DNAH2: variants seen among roughly 807,000 people sequenced by gnomAD.
DNAH2 encodes axonemal beta dynein heavy chain 2.
A neutral mutation model predicts 523.5 loss-of-function variants in DNAH2; 323 were observed. The ratio of observed to expected loss-of-function variants is 0.62; its 90% CI spans 0.56 to 0.68. The LOEUF (loss-of-function observed/expected upper bound fraction) is 0.68, where lower values mean the gene tolerates loss of function less well. DNAH2 is among the 30% of genes least tolerant of loss of function. DNAH2 has a pLI of 0.00. For synonymous variants in DNAH2, 2,093 were observed against 2,177.4 expected (o/e 0.96, Z 1.08); for missense variants, 4,907 against 5,701.5 (o/e 0.86, Z 4.49).
At position 7,832,667 on chromosome 17, in the gene DNAH2, G is replaced by T; in HGVS notation, c.12815G>T (p.Arg4272Leu). The change falls in exon 83 of 86, where the codon CGG becomes CTG. Residue 4272 changes from arginine to leucine, a missense_variant. Physicochemically the swap from Arg to Leu is moderately radical, Grantham distance 102 (BLOSUM62 -2). Coordinates refer to ENST00000572933, the MANE Select transcript of DNAH2 (RefSeq NM_020877.5). This position sits in a 1 kb window ranked among gnomAD's most constrained non-coding sequence, Gnocchi z 4.3. ...TTTGAGCTGTGGGCCAGCCGGGCCC[G>T]GCCTCCTGTGATCTTCTGGTTGTCT... The part of the protein sequence containing the change: ...EQFELWASRA[R>L]PPVIFWLSGF... The T allele has an allele frequency of 6.2e-7, 1 of 1,614,134 alleles. No homozygotes were observed. Among genetic ancestry groups the T allele is most frequent in the Non-Finnish European group, 8.5e-7 (1 of 1,180,044 alleles).
rs188435233 is a variant in DNAH2, at chr17:7,758,541, C to T, written c.2098C>T (p.Arg700Cys). 16 of 1,613,982 alleles carry T rather than the reference C, an allele frequency of 9.9e-6. No homozygotes were observed. The highest frequency in any genetic ancestry group is 4.5e-5 in the East Asian group (2 of 44,882). The change falls in exon 14 of 86, where the codon CGT (arginine) becomes TGT (cysteine). Residue 700 changes from arginine to cysteine, a missense_variant. Transcript: ENST00000572933. The part of the protein sequence containing the change: ...SPDEQALFKE[R>C]IRLLDKKIHP... ...AGATGAGCAGGCCCTATTCAAAGAG[C>T]GTATTCGGCTCCTGGATAAGAAGAT...
intron 7 of DNAH2, among the ~76,000 whole-genome samples, chr17:7,735,750 T>A (rs971767315): frequency 6.6e-6 from 1 of 150,754 alleles, no homozygotes; most frequent in African/African-American, 2.4e-5. Context: ...AATTGTTAAT[T>A]TTTTTTATTA....
At position 7,734,290 on chromosome 17, in the gene DNAH2, G is replaced by C. The variant is rs751802618; in HGVS notation, c.736G>C (p.Glu246Gln). ...GGACAAAGAGCTGGTGCAACGGCTA[G>C]AGAGTGAGTGGCTGGCACTGCTAGC... The part of the protein sequence containing the change: ...IKDKELVQRL[E>Q]TSMIHWTRQI... The change falls in exon 6 of 86, where the codon GAG becomes CAG. Residue 246 changes from glutamate (E) to glutamine (Q), a missense_variant. This residue lies in a region of DNAH2 where 2,806 missense variants were observed against 3,190.8 expected (regional missense o/e 0.88). Transcript: ENST00000572933. 3.1e-6 allele frequency: 5 copies of C among 1,607,344 alleles called. No homozygotes were observed. Among genetic ancestry groups the C allele is most frequent in the South Asian group, 1.1e-5 (1 of 89,900 alleles).
At position 7,817,282 on chromosome 17, in the gene DNAH2, T is replaced by TC. The variant is rs752997446; in HGVS notation, c.9895-6dup. The TC allele has an allele frequency of 1.9e-6, 3 of 1,586,710 alleles. No individual in the cohort carries two copies. In the South Asian group the frequency reaches 3.5e-5, roughly 18 times the overall value. On this transcript the variant is annotated splice_polypyrimidine_tract_variant and splice_region_variant and intron_variant, in intron 64 of 85. Coordinates refer to ENST00000572933, the MANE Select transcript of DNAH2 (RefSeq NM_020877.5). ...CCAGGCAGGCTTACCCTCCCTCCTG[T>TC]CCGCCAGGGCCTGGAGGAGGACCTG...
At chr17:7,791,885 T>G (rs1344538111) in intron 44 of DNAH2, 32 bp from the exon 45 acceptor site, 1 of 1,600,556 alleles carries the variant, frequency 6.2e-7, no homozygotes, top group South Asian at 1.1e-5. Context: ...CTCTTACAGG[T>G]GGGTTATTTC....
chr17:7,728,740 T>A (rs2074899370), intron 4 of DNAH2, among the ~76,000 whole-genome samples: 1 of 152,212 alleles, frequency 6.6e-6, no homozygotes, highest in Non-Finnish European at 1.5e-5. Flanking sequence ...ATCCTAGCAC[T>A]TCGGGAGGCC....
chr17:7,789,960 G>A lies in DNAH2; in HGVS notation c.6900+1716G>A, dbSNP rs891972727. The stretch of plus-strand genomic sequence containing the variant: ...TGTATCACATTATCTGTGGTCCTAG[G>A]TATCTTAATTCACAACCCATCCTCA... On this transcript the variant is annotated intron_variant, in intron 44 of 85. Transcript: ENST00000572933. Among the ~76,000 whole-genome samples the A allele has an allele frequency of 3.3e-5, 5 of 152,252 alleles. No individual in the cohort carries two copies. In the South Asian group the frequency reaches 8.3e-4, roughly 25 times the overall value.
intron 39 of DNAH2, among the ~76,000 whole-genome samples, chr17:7,783,500 CAAAACAAAAACA>C (rs567528669): frequency 6.6e-6 from 1 of 151,734 alleles, no homozygotes; most frequent in East Asian, 1.9e-4. Context: ...AACATGGGGG[CAAAACAAAAACA>C]AAAACAAAAA....
intron 63 of DNAH2, among the ~76,000 whole-genome samples, chr17:7,814,668 G>C (rs2077611055): frequency 6.6e-6 from 1 of 152,238 alleles, no homozygotes; most frequent in Admixed American, 6.5e-5. Flanking sequence ...GAGGTCAGGA[G>C]TTTGAGATCA....
rs928128877 is a variant in DNAH2 at position 7,788,251 on chromosome 17, G to C, written c.6900+7G>C. 1 of 1,570,714 alleles carries C rather than the reference G, an allele frequency of 6.4e-7. No individual in the cohort carries two copies. The highest frequency in any genetic ancestry group is 1.3e-5 in the African/African-American group (1 of 74,120). On this transcript the variant is annotated splice_region_variant and intron_variant, in intron 44 of 85. Coordinates refer to ENST00000572933, the MANE Select transcript of DNAH2 (RefSeq NM_020877.5). ...GGCCACGCCAGAGAATGGGGTAAGG[G>C]GAGGACACAGACCACGGGCAGGGGC...
chr17:7,792,538 C>T, intron 46 of DNAH2, 119 bp from the exon 47 acceptor site: 2 of 1,019,388 alleles, frequency 2.0e-6, no homozygotes, highest in Non-Finnish European at 2.9e-6. Context: ...CACATGATCC[C>T]CAGGCCCCAC....
In DNAH2 at chr17:7,742,977, G is replaced by C. The variant is rs749778827; in HGVS notation, c.1739G>C (p.Ser580Thr). The change falls in exon 12 of 86, where the codon AGT becomes ACT. Residue 580 changes from serine (S) to threonine (T), a missense_variant. Transcript: ENST00000572933. The part of the protein sequence containing the change: ...FLPRIGTGKE[S>T]VHTYQQMVQA... ...CCCCGTATTGGGACTGGAAAGGAGA[G>C]TGTGCACACCTATCAGCAGATGGTC... 1.3e-6 allele frequency: 2 copies of C among 1,493,938 alleles called. No individual in the cohort carries two copies. Among genetic ancestry groups the C allele is most frequent in the South Asian group, 1.4e-5 (1 of 69,096 alleles). The allele number at this position is 1,493,938 out of a possible 1,614,324, so 92.5% of individuals were successfully genotyped here. A position where few individuals can be genotyped will look rare whatever the true frequency, so the allele number is the denominator to read the frequency against.
intron 48 of DNAH2, among the ~76,000 whole-genome samples, chr17:7,793,445 CTTTTTCTT>C (rs2076957067): frequency 9.9e-6 from 1 of 101,070 alleles, no homozygotes; most frequent in East Asian, 3.0e-4. Flanking sequence ...TTCTTTCTTT[CTTTTTCTT>C]TCTTTCTTTC....
In DNAH2 at chr17:7,771,323, C is replaced by G. The variant is rs770296293; in HGVS notation, c.4363-7C>G. 5.0e-6 allele frequency: 8 copies of G among 1,614,022 alleles called. No homozygotes were observed. The highest frequency in any genetic ancestry group is 6.8e-6 in the Non-Finnish European group (8 of 1,179,982). On this transcript the variant is annotated splice_region_variant and splice_polypyrimidine_tract_variant and intron_variant, in intron 27 of 85. Transcript: ENST00000572933. ...TGGCCTCTCACCCCAACTTTTGGCCCCCTCAGAATATCTTCCTAGGAGAAG... is the reference window on the plus strand; with the variant it reads ...TGGCCTCTCACCCCAACTTTTGGCCGCCTCAGAATATCTTCCTAGGAGAAG...
chr17:7,774,682 A>G (rs2151230156), intron 28 of DNAH2, 77 bp from the exon 29 acceptor site: 1 of 1,318,478 alleles, frequency 7.6e-7, no homozygotes, highest in East Asian at 2.3e-5. Context: ...GCTGGCAAAG[A>G]ACACAGAGTT....
In DNAH2 at chr17:7,831,563, C is replaced by CG; in HGVS notation, c.12611+24dup. 1 of 1,613,968 alleles carries CG rather than the reference C, an allele frequency of 6.2e-7. No homozygotes were observed. The highest frequency in any genetic ancestry group is 2.2e-5 in the East Asian group (1 of 44,880). ...TCCTGTAAGACAGAGGGGGACTCTG[C>CG]GGAACAGGGGAGGGTGTGAGGAGAA... On this transcript the variant is annotated intron_variant, in intron 81 of 85. Transcript: ENST00000572933. The surrounding 1 kb of genome is among the most constrained non-coding windows in gnomAD (Gnocchi z 4.2).
At chr17:7,778,000 C>T in intron 33 of DNAH2, 77 bp from the exon 34 acceptor site, 3 of 1,338,642 alleles carry the variant, frequency 2.2e-6, no homozygotes, top group African/African-American at 1.4e-5. Context: ...AACTCTGAGC[C>T]CCACTCTCAG....
intron 63 of DNAH2, among the ~76,000 whole-genome samples, chr17:7,810,667 G>A (rs2077492260): frequency 6.6e-6 from 1 of 152,216 alleles, no homozygotes; most frequent in Non-Finnish European, 1.5e-5. Context: ...GGGATTACAG[G>A]TGTGAGCCAC....
At chr17:7,799,021 C>A in intron 55 of DNAH2, 82 bp from the exon 56 acceptor site, 1 of 1,545,156 alleles carries the variant, frequency 6.5e-7, no homozygotes, top group Non-Finnish European at 8.8e-7. Context: ...GGAAACACTT[C>A]GTCAGCCCCA....
Sources: allele counts gnomAD v4.1 joint callset (sites outside exome capture counted in the v4.1 genomes callset), GRCh38; gene constraint gnomAD v4.1.1; regional missense constraint gnomAD v4.1.1; non-coding constraint Gnocchi (gnomAD v3.1); transcripts MANE v1.5; gene names NCBI Gene and HGNC (gene_info 2026-07-23, HGNC 2026-07-21).